KBTBD3: variants seen among roughly 807,000 people sequenced by gnomAD.
KBTBD3 encodes kelch repeat and BTB domain-containing protein 3.
A neutral mutation model predicts 49.6 loss-of-function variants in KBTBD3; 38 were observed. The ratio of observed to expected loss-of-function variants is 0.77; its 90% confidence interval spans 0.59 to 1.00. The LOEUF is 1.00. Ranked by LOEUF, KBTBD3 falls within the 50% of genes least tolerant of loss-of-function variation. The pLI is 0.00. For missense variants in KBTBD3, 661 were observed against 712.0 expected (o/e 0.93, Z 0.81); for synonymous variants, 214 against 250.4 (o/e 0.85, Z 1.37).
intron 3 of KBTBD3, among the ~76,000 whole-genome samples, chr11:106,056,602 G>A (rs1004652981): frequency 3.9e-5 from 6 of 152,076 alleles, no homozygotes; most frequent in African/African-American, 9.7e-5. Context: ...TAGTAGGTAC[G>A]GTGCTAATTA....
Position 106,053,565 on chromosome 11 carries a change from C to T in KBTBD3, c.1124G>A (p.Cys375Tyr). The T allele has an allele frequency of 1.2e-6, 2 of 1,613,792 alleles. No homozygotes were observed. The highest frequency in any genetic ancestry group is 1.7e-6 in the Non-Finnish European group (2 of 1,179,896). The change falls in exon 4 of 4, where the codon TGC becomes TAC. Residue 375 changes from cysteine to tyrosine, a missense_variant. By Grantham distance (194) the Cys-to-Tyr change is radical. Transcript: ENST00000531837. ...GAAATCATTTTTCACTGGACAGTAG[C>T]ACCAGGTTTGATCAGTGGCATCATG... Reference protein sequence around the residue: ...SYHDATDQTWCYCPVKNDFFL... With the variant: ...SYHDATDQTWYYCPVKNDFFL...
rs373659991 is a variant in KBTBD3, at chr11:106,063,855, C to T, written c.-12-4746G>A. On this transcript the variant is annotated intron_variant, in intron 2 of 3. Coordinates refer to ENST00000531837, the MANE Select transcript of KBTBD3 (RefSeq NM_198439.3). ...CTAAGGCAGGAGAATCGCTTGAACC[C>T]GGGAGGTGGAGGTTGCAGTAAGCCG... Among the ~76,000 whole-genome samples the T allele has an allele frequency of 9.9e-5, 15 of 152,114 alleles. 1 individual carries two copies. The highest frequency in any genetic ancestry group is 1.2e-4 in the African/African-American group (5 of 41,484).
At chr11:106,060,953 A>C (rs1183631243) in intron 2 of KBTBD3, among the ~76,000 whole-genome samples, 1 of 152,242 alleles carries the variant, frequency 6.6e-6, no homozygotes, top group Non-Finnish European at 1.5e-5. Context: ...CAAGAAAAAA[A>C]CAAACAACCC....
intron 2 of KBTBD3, among the ~76,000 whole-genome samples, chr11:106,059,725 T>A (rs555251146): frequency 1.3e-5 from 2 of 152,196 alleles, no homozygotes; most frequent in Non-Finnish European, 2.9e-5. Flanking sequence ...TAAGAAAGAT[T>A]TTTTAAACAT....
At chr11:106,058,061 T>TA (rs1256480690) in intron 3 of KBTBD3, 4 of 398,160 alleles carry the variant, frequency 1.0e-5, no homozygotes, top group Non-Finnish European at 1.8e-5. Context: ...ACCTATACGT[T>TA]AAAAAAAGGT....
intron 2 of KBTBD3, among the ~76,000 whole-genome samples, chr11:106,071,422 G>A (rs1485100374): frequency 6.6e-6 from 1 of 151,986 alleles, no homozygotes; most frequent in African/African-American, 2.4e-5. Context: ...GTCAATTATT[G>A]AGCCTCATGG....
intron 2 of KBTBD3, among the ~76,000 whole-genome samples, chr11:106,067,116 A>T (rs1017948960): frequency 2.6e-5 from 4 of 152,150 alleles, no homozygotes; most frequent in African/African-American, 9.7e-5. Context: ...CAACCTAACA[A>T]GACAAAAGTT....
intron 2 of KBTBD3, among the ~76,000 whole-genome samples, chr11:106,060,274 T>C (rs1053668465): frequency 1.3e-5 from 2 of 152,128 alleles, no homozygotes; most frequent in Admixed American, 6.5e-5. Flanking sequence ...TTTATATACA[T>C]ACCTATGTAT....
At chr11:106,071,650 T>C (rs1172108859) in intron 2 of KBTBD3, among the ~76,000 whole-genome samples, 1 of 152,180 alleles carries the variant, frequency 6.6e-6, no homozygotes, top group African/African-American at 2.4e-5. Flanking sequence ...TTCTATTTCT[T>C]AAATTTCATT....
intron 2 of KBTBD3, among the ~76,000 whole-genome samples, chr11:106,066,298 TATA>T (rs1473288750): frequency 4.6e-5 from 7 of 152,184 alleles, no homozygotes; most frequent in Non-Finnish European, 8.8e-5. Context: ...TGTTTAGTGA[TATA>T]ATAAGAATGA....
At chr11:106,070,221 A>C (rs1377801405) in intron 2 of KBTBD3, among the ~76,000 whole-genome samples, 1 of 152,060 alleles carries the variant, frequency 6.6e-6, no homozygotes, top group Non-Finnish European at 1.5e-5. Context: ...TCAAAAGCAT[A>C]ACACATAAAT....
chr11:106,058,884 C>G lies in KBTBD3; in HGVS notation c.214G>C (p.Ala72Pro). Residue 72 changes from alanine to proline, a missense_variant, in exon 3 of 4, where the codon GCA becomes CCA. Ala to Pro is a conservative substitution (Grantham distance 27). Transcript: ENST00000531837. ...AAGTACCTGAAAAAGTCACTGCATG[C>G]TGCTAACACACAACGATGACACGGG... is the stretch of plus-strand genomic sequence containing the variant. ...IIPCHRCVLA[A>P]CSDFFRAMFE... 6.4e-7 allele frequency: 1 copy of G among 1,572,020 alleles called. No individual in the cohort carries two copies. The highest frequency in any genetic ancestry group is 2.3e-5 in the East Asian group (1 of 42,958).
Position 106,053,987 on chromosome 11 carries a change from C to T in KBTBD3, c.702G>A (p.Leu234=). The T allele has an allele frequency of 6.2e-7, 1 of 1,613,866 alleles. No individual in the cohort carries two copies. The highest frequency in any genetic ancestry group is 8.5e-7 in the Non-Finnish European group (1 of 1,179,908). The change falls in exon 4 of 4, where the codon CTG becomes CTA. Residue 234 remains leucine (L), a synonymous_variant. Coordinates refer to ENST00000531837, the MANE Select transcript of KBTBD3 (RefSeq NM_198439.3). ...ATCTCACTTTTTCAATCAAATGAGGCAGATACTTTTGCCTTGATTCTAAGT... is the reference window on the plus strand; with the variant it reads ...ATCTCACTTTTTCAATCAAATGAGGTAGATACTTTTGCCTTGATTCTAAGT... ...KHNLESRQKY[L]PHLIEKVRLH...
intron 2 of KBTBD3, among the ~76,000 whole-genome samples, chr11:106,069,096 A>C (rs1280079659): frequency 3.3e-5 from 5 of 152,132 alleles, no homozygotes; most frequent in Non-Finnish European, 7.4e-5. Context: ...AAACCTATAG[A>C]TAACATTATG....
At chr11:106,069,067 G>A (rs1353414082) in intron 2 of KBTBD3, among the ~76,000 whole-genome samples, 1 of 152,038 alleles carries the variant, frequency 6.6e-6, no homozygotes, top group Admixed American at 6.6e-5. Flanking sequence ...TCTCAACTTG[G>A]TAGAGAAAAA....
chr11:106,053,681 ACTAG>A lies in KBTBD3; in HGVS notation c.1004_1007del (p.Ser335PhefsTer11). 2.5e-6 allele frequency: 4 copies of A among 1,613,754 alleles called. No homozygotes were observed. In the South Asian group the frequency reaches 4.4e-5, roughly 18 times the overall value. ...ATATTTTCTCTCCGTAACTCGAAAG[ACTAG>A]ATCCTGGCAAATCAATCAGGTGTGA... On this transcript the variant is annotated frameshift_variant, in exon 4 of 4. Coordinates refer to ENST00000531837, the MANE Select transcript of KBTBD3 (RefSeq NM_198439.3). LOFTEE classifies it high-confidence loss of function.
rs199628717 is a variant in KBTBD3, at chr11:106,052,961, C to T, written c.1728G>A (p.Arg576=). ...TTGGTGAAACTTCTTCCCATTCAGA[C>T]CTGTTGCTGTGGTAGACCTGCACTT... is the stretch of plus-strand genomic sequence containing the variant. The part of the protein sequence containing the change: ...TDEVQVYHSN[R]SEWEEVSPMP... The change falls in exon 4 of 4, where the codon AGG becomes AGA. Residue 576 remains arginine (R), a synonymous_variant. Transcript: ENST00000531837. The T allele has an allele frequency of 7.4e-6, 12 of 1,613,574 alleles. No individual in the cohort carries two copies. In the Admixed American group the frequency reaches 2.0e-4, roughly 27 times the overall value.
Position 106,054,144 on chromosome 11 carries a change from G to T in KBTBD3, c.545C>A (p.Ser182Tyr). 6.2e-7 allele frequency: 1 copy of T among 1,612,896 alleles called. No individual in the cohort carries two copies. The highest frequency in any genetic ancestry group is 1.1e-5 in the South Asian group (1 of 91,008). Reference protein sequence around the residue: ...HALHFVQHHFSLLFKSSDFLE... With the variant: ...HALHFVQHHFYLLFKSSDFLE... ...GAAATCACTGGATTTAAATAATAAA[G>T]AAAAGTGATGTTGTACAAAGTGTAA... is the stretch of plus-strand genomic sequence containing the variant. Residue 182 changes from serine to tyrosine, a missense_variant, in exon 4 of 4, where the codon TCT (serine) becomes TAT (tyrosine). Ser to Tyr is a moderately radical substitution (Grantham distance 144). Transcript: ENST00000531837.
intron 2 of KBTBD3, among the ~76,000 whole-genome samples, chr11:106,061,168 T>C (rs1860686097): frequency 6.6e-6 from 1 of 152,166 alleles, no homozygotes; most frequent in Admixed American, 6.5e-5. Context: ...GCTGGGCTTC[T>C]TGCATGAAGC....
Sources: allele counts gnomAD v4.1 joint callset (sites outside exome capture counted in the v4.1 genomes callset), GRCh38; gene constraint gnomAD v4.1.1; transcripts MANE v1.5; gene names NCBI Gene and HGNC (gene_info 2026-07-23, HGNC 2026-07-21).